The following CCNH variants were observed in gnomAD, a reference collection of about 807,000 sequenced individuals.
CCNH encodes cyclin H.
Under a neutral mutation model 41.9 loss-of-function variants are expected in CCNH, and 31 were observed. The observed-to-expected ratio is 0.74, with a 90% CI of 0.56 to 1.00. CCNH has a LOEUF of 1.00. CCNH is among the 50% of genes least tolerant of loss of function. The pLI is 0.00. For synonymous variants in CCNH, 138 were observed against 136.1 expected, an observed-to-expected ratio of 1.01 and a Z score of -0.10; for missense variants, 362 against 388.4, an observed-to-expected ratio of 0.93 and a Z score of 0.57.
chr5:87,412,568 G>A (rs1764340689), intron 1 of CCNH, 110 bp downstream of exon 1: 4 of 1,493,514 alleles, frequency 2.7e-6, no homozygotes, highest in Non-Finnish European at 1.8e-6. Context: ...ACTCCGCGCC[G>A]CAGAGGCAGA....
chr5:87,334,138 G>T (rs936160187), intron 9 of CCNH, among the ~76,000 whole-genome samples: 2 of 152,118 alleles, frequency 1.3e-5, no homozygotes, highest in African/African-American at 4.8e-5. Context: ...ATGATAGATG[G>T]AGACAGTAAA....
chr5:87,358,116 C>G (rs1759792414), intron 9 of CCNH, among the ~76,000 whole-genome samples: 1 of 152,084 alleles, frequency 6.6e-6, no homozygotes, highest in African/African-American at 2.4e-5. Flanking sequence ...CCTCATCTTC[C>G]AATGAGGTGA....
chr5:87,402,148 T>C (rs1178275579), intron 5 of CCNH, among the ~76,000 whole-genome samples: 1 of 152,150 alleles, frequency 6.6e-6, no homozygotes, highest in Non-Finnish European at 1.5e-5. Context: ...TTGCCCAAAG[T>C]AATAAAGCTA....
chr5:87,346,790 T>G, intron 9 of CCNH: 1 of 1,260,798 alleles, frequency 7.9e-7, no homozygotes, highest in South Asian at 1.3e-5. Flanking sequence ...AACAAACCAT[T>G]TATCATGTGT....
At chr5:87,316,226 C>T (rs1756325104), downstream of CCNH, among the ~76,000 whole-genome samples, 1 of 152,182 alleles carries the variant, frequency 6.6e-6, no homozygotes. Context: ...TAGATGTGCC[C>T]TCTAAGATGT....
At chr5:87,358,789 T>A (rs531995958) in intron 9 of CCNH, among the ~76,000 whole-genome samples, 20 of 152,252 alleles carry the variant, frequency 1.3e-4, no homozygotes, top group Admixed American at 5.9e-4. Context: ...TCACTCATAC[T>A]TGCTTCTGTA....
downstream of CCNH, among the ~76,000 whole-genome samples, chr5:87,388,072 A>C (rs116642099): frequency 6.6e-6 from 1 of 152,164 alleles, no homozygotes; most frequent in African/African-American, 2.4e-5. Context: ...AAACATGAAT[A>C]AAATAACTTT....
At chr5:87,352,213 C>G (rs1759326180) in intron 9 of CCNH, among the ~76,000 whole-genome samples, 1 of 151,564 alleles carries the variant, frequency 6.6e-6, no homozygotes, top group South Asian at 2.1e-4. Context: ...TACTAGTTAA[C>G]TTTTCAGGTC....
At chr5:87,365,199 A>ATACT (rs1342609028) in intron 9 of CCNH, among the ~76,000 whole-genome samples, 1 of 152,116 alleles carries the variant, frequency 6.6e-6, no homozygotes, top group African/African-American at 2.4e-5. Flanking sequence ...GTCCCCTGAG[A>ATACT]TACTAGTGGT....
intron 9 of CCNH, among the ~76,000 whole-genome samples, chr5:87,368,325 T>C (rs765740619): frequency 6.6e-6 from 1 of 152,178 alleles, no homozygotes; most frequent in Admixed American, 6.5e-5. Flanking sequence ...AGATACAGTT[T>C]CTGGCAAAAT....
rs749465599 is a variant in CCNH at position 87,408,100 on chromosome 5, A to C, written c.401T>G (p.Leu134Arg). The C allele has an allele frequency of 1.2e-6, 2 of 1,613,438 alleles. No individual in the cohort carries two copies. The highest frequency in any genetic ancestry group is 1.7e-6 in the Non-Finnish European group (2 of 1,179,438). Residue 134 changes from leucine to arginine, a missense_variant, in exon 4 of 9, where the codon CTT becomes CGT. Transcript: ENST00000256897. The stretch of plus-strand genomic sequence containing the variant: ...CTGTTCAAGTGCCTTCTCCTGTCCA[A>C]GAGGACTCTCCCGGAGGTTTCCAAC... ...QFVGNLRESP[L>R]GQEKALEQIL...
downstream of CCNH, among the ~76,000 whole-genome samples, chr5:87,318,016 A>T (rs1756480203): frequency 1.3e-5 from 2 of 151,954 alleles, no homozygotes; most frequent in Admixed American, 6.6e-5. Context: ...TTTATAATAG[A>T]TAGTTGTAAT....
chr5:87,327,704 C>T (rs1757328047), intron 9 of CCNH, among the ~76,000 whole-genome samples: 1 of 152,168 alleles, frequency 6.6e-6, no homozygotes, highest in Non-Finnish European at 1.5e-5. Flanking sequence ...GTGGCTCACA[C>T]CTGTAATCTC....
chr5:87,393,588 A>ACATTT (rs554498057), downstream of CCNH: 13 of 152,334 alleles, frequency 8.5e-5, no homozygotes, highest in South Asian at 2.3e-3. Flanking sequence ...AATTTGAATT[A>ACATTT]CATTTCTCTA....
At chr5:87,373,482 A>T (rs1486021456), downstream of CCNH, among the ~76,000 whole-genome samples, 1 of 152,062 alleles carries the variant, frequency 6.6e-6, no homozygotes, top group Non-Finnish European at 1.5e-5. Flanking sequence ...CTGAGGGATA[A>T]CTAGTTTGTA....
At chr5:87,351,582 T>C (rs1759281167) in intron 9 of CCNH, among the ~76,000 whole-genome samples, 1 of 151,770 alleles carries the variant, frequency 6.6e-6, no homozygotes, top group Non-Finnish European at 1.5e-5. Context: ...ATTTCAAAAG[T>C]AAGTTTACAT....
chr5:87,344,237 C>T (rs541475131), intron 9 of CCNH, among the ~76,000 whole-genome samples: 1 of 152,152 alleles, frequency 6.6e-6, no homozygotes, highest in African/African-American at 2.4e-5. Flanking sequence ...GTGATGGATA[C>T]CCCATTTATC....
chr5:87,391,850 C>CTGTA, downstream of CCNH: 1 of 231,866 alleles, frequency 4.3e-6, no homozygotes, highest in East Asian at 6.2e-5. Flanking sequence ...TTATTTACTT[C>CTGTA]TGTATGTGTA....
intron 9 of CCNH, among the ~76,000 whole-genome samples, chr5:87,361,844 CA>C (rs112727017): frequency 0.032 from 4,833 of 151,820 alleles, 157 homozygotes; most frequent in African/African-American, 0.074. Flanking sequence ...TAGTTTTATA[CA>C]TTTTTTTTTA....
Sources: gnomAD v4.1 joint callset for allele counts (sites outside exome capture counted in the v4.1 genomes callset) on GRCh38, gnomAD v4.1.1 for gene constraint, MANE v1.5 for transcripts, NCBI Gene and HGNC (gene_info 2026-07-23, HGNC 2026-07-21) for gene names.